Variants in SDHAF2 observed in about 807,000 individuals in gnomAD.
The protein encoded by SDHAF2 is succinate dehydrogenase complex assembly factor 2, also known as succinate dehydrogenase assembly factor 2, mitochondrial.
In SDHAF2, 21 loss-of-function variants were observed where a neutral mutation model predicts 18.5. That is an observed-to-expected ratio of 1.13 (90% CI 0.80 to 1.63). The LOEUF (loss-of-function observed/expected upper bound fraction) is 1.63. SDHAF2 is among the 40% of genes most tolerant of loss of function. The probability of loss-of-function intolerance (pLI) is 0.00; values close to 1 mark genes in which losing one functional copy is unlikely to be tolerated. For missense variants in SDHAF2, 195 were observed against 200.3 expected (o/e 0.97, Z 0.16); for synonymous variants, 84 against 70.7 (o/e 1.19, Z -0.94).
chr11:61,430,457 C>T (rs146586413), intron 1 of SDHAF2: 54 of 546,486 alleles, frequency 9.9e-5, no homozygotes, highest in Middle Eastern at 4.8e-4. Context: ...GCGGGATTAG[C>T]CCAACTTCCC....
intron 1 of SDHAF2, chr11:61,433,964 G>A (rs1487605479): frequency 6.6e-6 from 1 of 152,230 alleles, no homozygotes; most frequent in East Asian, 1.9e-4. Context: ...TGTTGCTCAG[G>A]TTGTACTTTA....
chr11:61,438,799 C>T lies in SDHAF2; in HGVS notation c.370+686C>T, dbSNP rs116274037. 3.4e-3 allele frequency among the ~76,000 whole-genome samples: 522 copies of T among 152,272 alleles called. 1 individual carries two copies. The highest frequency in any genetic ancestry group is 0.012 in the African/African-American group (499 of 41,568). On this transcript the variant is annotated intron_variant, in intron 3 of 3. Transcript: ENST00000301761. ...GTGGCTCATGCCTCTAATCTGAGCA[C>T]TTTGGGAGGCTGAGGCGGATGGATC...
intron 3 of SDHAF2, among the ~76,000 whole-genome samples, chr11:61,445,619 A>C (rs1862128293): frequency 6.6e-6 from 1 of 152,204 alleles, no homozygotes; most frequent in South Asian, 2.1e-4. Context: ...ACTTGTTCAT[A>C]AAGGACCAGA....
intron 3 of SDHAF2, among the ~76,000 whole-genome samples, chr11:61,441,579 C>G (rs1862065891): frequency 6.6e-6 from 1 of 151,546 alleles, no homozygotes; most frequent in African/African-American, 2.4e-5. Context: ...TAATTGGACT[C>G]CAAGAATGTG....
chr11:61,432,477 A>G (rs1415159385), intron 1 of SDHAF2: 7 of 152,154 alleles, frequency 4.6e-5, no homozygotes, highest in Admixed American at 3.9e-4. Context: ...TTGTTATACT[A>G]TATCTTAGTT....
chr11:61,431,851 T>C, intron 1 of SDHAF2: 1 of 152,512 alleles, frequency 6.6e-6, no homozygotes, highest in Admixed American at 6.5e-5. Flanking sequence ...CCACCACGCC[T>C]GGCTAATTTT....
rs917551627 is a variant in SDHAF2, at chr11:61,446,480, G to A, written c.*409G>A. Reference sequence around the variant, plus strand: ...CCTCCCGCCCTCCCTGCAGCTCCCCGCCCTCAGTGGCCCAGGGCTTTGTTG... The same window carrying A: ...CCTCCCGCCCTCCCTGCAGCTCCCCACCCTCAGTGGCCCAGGGCTTTGTTG... On this transcript the variant is annotated 3_prime_UTR_variant, in exon 4 of 4. Transcript: ENST00000301761. 1 of 518,448 alleles carries A rather than the reference G, an allele frequency of 1.9e-6. No homozygotes were observed. The allele number at this position is 518,448 out of a possible 1,614,324, so 32.1% of individuals were successfully genotyped here.
intron 1 of SDHAF2, 90 bp from the exon 2 acceptor site, chr11:61,437,535 G>T: frequency 1.8e-6 from 2 of 1,102,984 alleles, no homozygotes; most frequent in Non-Finnish European, 2.8e-6. Flanking sequence ...AAATGTGATT[G>T]AATGCATTCA....
intron 1 of SDHAF2, chr11:61,434,195 T>G (rs1013743049): frequency 6.6e-6 from 1 of 152,268 alleles, no homozygotes; most frequent in African/African-American, 2.4e-5. Context: ...ATGTCTTTTT[T>G]TTTGAGATGG....
chr11:61,441,641 G>A (rs1177778459), intron 3 of SDHAF2, among the ~76,000 whole-genome samples: 1 of 152,100 alleles, frequency 6.6e-6, no homozygotes, highest in Non-Finnish European at 1.5e-5. Context: ...GGACAAATCA[G>A]TGATTGCCAG....
intron 1 of SDHAF2, chr11:61,435,280 C>T (rs1196109861): frequency 6.6e-6 from 1 of 152,000 alleles, no homozygotes; most frequent in Non-Finnish European, 1.5e-5. Flanking sequence ...TTGGTTTTCT[C>T]ATTTTGTTCA....
chr11:61,445,961 A>T lies in SDHAF2; in HGVS notation c.391A>T (p.Ile131Leu), dbSNP rs773580529. ...WATEAKPAPE[I>L]FENEVMALLR... is the part of the protein sequence containing the mutation. ...TGCAGAAGCTAAACCAGCCCCAGAAATATTTGAAAATGAAGTCATGGCCCT... is the reference window on the plus strand; with the variant it reads ...TGCAGAAGCTAAACCAGCCCCAGAATTATTTGAAAATGAAGTCATGGCCCT... The change falls in exon 4 of 4, where the codon ATA becomes TTA. Residue 131 changes from isoleucine to leucine, a missense_variant. Coordinates refer to ENST00000301761, the MANE Select transcript of SDHAF2 (RefSeq NM_017841.4). 5.0e-6 allele frequency: 8 copies of T among 1,614,220 alleles called. No individual in the cohort carries two copies. The Admixed American group carries it at 1.2e-4, about 24-fold the overall frequency.
chr11:61,437,400 T>C (rs1158871763), intron 1 of SDHAF2, among the ~76,000 whole-genome samples: 2 of 152,112 alleles, frequency 1.3e-5, no homozygotes, highest in African/African-American at 2.4e-5. Context: ...AGGGTCTCGC[T>C]ATGTTGCTCA....
rs369613860 is a variant in SDHAF2, at chr11:61,438,395, C to T, written c.370+282C>T. On this transcript the variant is annotated intron_variant, in intron 3 of 3. Transcript: ENST00000301761. ...TATATTTTTAATAGAGACAGGGTTT[C>T]TCTGTGTTGGTCAGGCTAGTCTCGA... The T allele has an allele frequency of 1.6e-4, 87 of 536,326 alleles. 1 individual carries two copies. The highest frequency in any genetic ancestry group is 1.5e-3 in the African/African-American group (79 of 52,562). The allele number at this position is 536,326 out of a possible 1,614,324, so 33.2% of individuals were successfully genotyped here. A position where few individuals can be genotyped will look rare whatever the true frequency, so the allele number is the denominator to read the frequency against.
chr11:61,432,492 T>G (rs1404963958), intron 1 of SDHAF2: 1 of 152,024 alleles, frequency 6.6e-6, no homozygotes, highest in Non-Finnish European at 1.5e-5. Context: ...TTAGTTGTTT[T>G]TTAATTGTTG....
At chr11:61,430,306 C>G in intron 1 of SDHAF2, 124 bp downstream of exon 1, 1 of 1,209,498 alleles carries the variant, frequency 8.3e-7, no homozygotes, top group Non-Finnish European at 1.2e-6. Flanking sequence ...AGGGCAGGCC[C>G]AGGGAGAGGC....
In SDHAF2 at chr11:61,430,158, T is replaced by A. The variant is rs2135436188; in HGVS notation, c.12T>A (p.Ser4=). The A allele has an allele frequency of 1.2e-6, 2 of 1,614,208 alleles. No individual in the cohort carries two copies. Among genetic ancestry groups the A allele is most frequent in the South Asian group, 1.1e-5 (1 of 91,080 alleles). Residue 4 remains serine, a synonymous_variant, in exon 1 of 4, where the codon TCT becomes TCA. Coordinates refer to ENST00000301761, the MANE Select transcript of SDHAF2 (RefSeq NM_017841.4). The part of the protein sequence containing the change: MAV[S]TVFSTSSLML... Reference sequence around the variant, plus strand: ...TGCAGGTGGGGAAAATGGCGGTGTCTACAGTGTTCTCGACTTCGTCGCTGG... The same window carrying A: ...TGCAGGTGGGGAAAATGGCGGTGTCAACAGTGTTCTCGACTTCGTCGCTGG...
rs1030318160 is a variant in SDHAF2, at chr11:61,446,361, G to A, written c.*290G>A. 5.0e-6 allele frequency: 3 copies of A among 599,736 alleles called. No individual in the cohort carries two copies. The highest frequency in any genetic ancestry group is 3.0e-5 in the Admixed American group (1 of 33,782). 37.2% of individuals were successfully genotyped at this position (599,736 alleles called of 1,614,324 possible). On this transcript the variant is annotated 3_prime_UTR_variant, in exon 4 of 4. Coordinates refer to ENST00000301761, the MANE Select transcript of SDHAF2 (RefSeq NM_017841.4). The stretch of plus-strand genomic sequence containing the variant: ...TCTAGAGGCAAGTCTGCCACGAGAG[G>A]GCACTGCAGGCGAAGCAGTTGTGCT...
At chr11:61,434,591 C>CTTTGTTTTTTTTTTTTTTTTT (rs1861971115) in intron 1 of SDHAF2, 1 of 119,000 alleles carries the variant, frequency 8.4e-6, no homozygotes, top group African/African-American at 3.8e-5. Flanking sequence ...CTTCTCATTC[C>CTTTGTTTTTTTTTTTTTTTTT]TTTTTTTTTT....
Sources: gnomAD v4.1 joint callset for allele counts (sites outside exome capture counted in the v4.1 genomes callset) on GRCh38, gnomAD v4.1.1 for gene constraint, MANE v1.5 for transcripts, NCBI Gene and HGNC (gene_info 2026-07-23, HGNC 2026-07-21) for gene names.